Variants in CFAP299 observed in about 807,000 individuals in gnomAD.
CFAP299 encodes cilia and flagella associated protein 299.
CFAP299 carries 21 observed loss-of-function variants against 27.0 expected under a neutral mutation model. The ratio of observed to expected loss-of-function variants is 0.78; its 90% CI spans 0.55 to 1.12. The LOEUF (loss-of-function observed/expected upper bound fraction) is 1.12. Among genes scored for constraint, CFAP299 ranks in the 50% most tolerant of loss-of-function variants. The pLI, the probability that CFAP299 is intolerant of heterozygous loss-of-function variation, is 0.00. For synonymous variants in CFAP299, 104 were observed against 98.1 expected (o/e 1.06, Z -0.36); for missense variants, 310 against 276.6 (o/e 1.12, Z -0.86).
intron 2 of CFAP299, among the ~76,000 whole-genome samples, chr4:80,484,788 A>G (rs193123074): frequency 2.6e-3 from 393 of 152,314 alleles, no homozygotes; most frequent in South Asian, 0.017. Context: ...GCATCTACTA[A>G]CACAGCCACT....
intron 3 of CFAP299, among the ~76,000 whole-genome samples, chr4:80,792,089 G>A (rs1056735070): frequency 6.6e-6 from 1 of 151,882 alleles, no homozygotes; most frequent in Non-Finnish European, 1.5e-5. Context: ...TGTGTCTGTA[G>A]CTTGAAATTA....
At chr4:80,496,381 CT>C (rs1287405894) in intron 2 of CFAP299, among the ~76,000 whole-genome samples, 1 of 152,176 alleles carries the variant, frequency 6.6e-6, no homozygotes, top group African/African-American at 2.4e-5. Flanking sequence ...CCACAGATTC[CT>C]GGGGCATGAA....
rs1366341821 is a variant in CFAP299, at chr4:80,799,982, A to G, written c.334-70011A>G. Among the ~76,000 whole-genome samples, 89 of 57,576 alleles carry G rather than the reference A, an allele frequency of 1.5e-3. 1 individual carries two copies. Among genetic ancestry groups the G allele is most frequent in the African/African-American group, 6.3e-3 (87 of 13,880 alleles). The allele number at this position is 57,576 out of a possible 152,430, so 37.8% of individuals were successfully genotyped here. On this transcript the variant is annotated intron_variant, in intron 3 of 5. Coordinates refer to ENST00000358105, the MANE Select transcript of CFAP299 (RefSeq NM_152770.3). Reference sequence around the variant, plus strand: ...AAATATAATATTTATATAATATAATATATGTAATATATATTATGATATATA... The same window carrying G: ...AAATATAATATTTATATAATATAATGTATGTAATATATATTATGATATATA...
intron 3 of CFAP299, among the ~76,000 whole-genome samples, chr4:80,789,843 C>G (rs1727447904): frequency 6.6e-6 from 1 of 152,008 alleles, no homozygotes; most frequent in Admixed American, 6.6e-5. Flanking sequence ...TGTGCTCTTT[C>G]CTTAGGTTAG....
At chr4:80,371,405 C>G (rs1165162873) in intron 2 of CFAP299, among the ~76,000 whole-genome samples, 2 of 152,188 alleles carry the variant, frequency 1.3e-5, no homozygotes, top group African/African-American at 2.4e-5. Context: ...ATTTCTGCAG[C>G]CTGCTTGGAT....
intron 3 of CFAP299, among the ~76,000 whole-genome samples, chr4:80,774,533 A>C (rs2110086159): frequency 6.6e-6 from 1 of 152,080 alleles, no homozygotes; most frequent in Non-Finnish European, 1.5e-5. Flanking sequence ...ACCTTAAACA[A>C]TTCACAGAAG....
intron 4 of CFAP299, among the ~76,000 whole-genome samples, chr4:80,901,837 C>A (rs1465751489): frequency 6.6e-6 from 1 of 152,076 alleles, no homozygotes; most frequent in Non-Finnish European, 1.5e-5. Flanking sequence ...TAAATTAAAT[C>A]TCTTAAAGTT....
At chr4:80,698,955 G>T (rs975502684) in intron 3 of CFAP299, among the ~76,000 whole-genome samples, 1 of 152,154 alleles carries the variant, frequency 6.6e-6, no homozygotes, top group African/African-American at 2.4e-5. Context: ...AGATTTGGGT[G>T]TGGACACAGC....
chr4:80,880,469 C>T (rs554321953), intron 4 of CFAP299, among the ~76,000 whole-genome samples: 13 of 152,188 alleles, frequency 8.5e-5, no homozygotes, highest in Non-Finnish European at 1.2e-4. Context: ...TAGTGGCTCA[C>T]GCCTGTAATC....
chr4:80,944,135 G>A (rs1737348308), intron 4 of CFAP299, among the ~76,000 whole-genome samples: 1 of 151,760 alleles, frequency 6.6e-6, no homozygotes, highest in Non-Finnish European at 1.5e-5. Context: ...TTGAAAAATA[G>A]AAAGTGGCAT....
chr4:80,568,081 C>G (rs1735399538), intron 2 of CFAP299, among the ~76,000 whole-genome samples: 1 of 151,266 alleles, frequency 6.6e-6, no homozygotes, highest in African/African-American at 2.4e-5. Context: ...TTTTAAAAAA[C>G]AATAATAAAA....
intron 3 of CFAP299, among the ~76,000 whole-genome samples, chr4:80,778,625 C>T (rs1041102361): frequency 2.0e-5 from 3 of 152,058 alleles, no homozygotes; most frequent in South Asian, 2.1e-4. Flanking sequence ...CTATCCATAT[C>T]GCATGCAGTC....
At chr4:80,560,345 T>C (rs1291030459) in intron 2 of CFAP299, among the ~76,000 whole-genome samples, 1 of 151,906 alleles carries the variant, frequency 6.6e-6, no homozygotes, top group Non-Finnish European at 1.5e-5. Context: ...TTGGTGAGCC[T>C]CTAGACTTGC....
chr4:80,764,225 G>C (rs144324538), intron 3 of CFAP299, among the ~76,000 whole-genome samples: 8,117 of 152,062 alleles, frequency 0.053, 333 homozygotes, highest in East Asian at 0.22. Flanking sequence ...CTAATATCCA[G>C]AGTCTACAAG....
At chr4:80,721,606 G>A (rs2110046037) in intron 3 of CFAP299, among the ~76,000 whole-genome samples, 1 of 152,182 alleles carries the variant, frequency 6.6e-6, no homozygotes, top group East Asian at 1.9e-4. Context: ...CAAGGATTAG[G>A]ACTTCAACAT....
chr4:80,561,112 C>T (rs777054782), intron 2 of CFAP299, among the ~76,000 whole-genome samples: 29 of 152,236 alleles, frequency 1.9e-4, no homozygotes, highest in Middle Eastern at 3.4e-3. Flanking sequence ...TGGCTCAGAA[C>T]AGAGACAGAG....
intron 2 of CFAP299, among the ~76,000 whole-genome samples, chr4:80,421,238 A>T (rs1727272767): frequency 6.6e-6 from 1 of 152,054 alleles, no homozygotes; most frequent in African/African-American, 2.4e-5. Context: ...TTGCATTCTC[A>T]TTACTTTATG....
intron 4 of CFAP299, among the ~76,000 whole-genome samples, chr4:80,887,357 A>T (rs1390348837): frequency 6.6e-6 from 1 of 152,170 alleles, no homozygotes; most frequent in Non-Finnish European, 1.5e-5. Flanking sequence ...AACAACATAC[A>T]ATGGATCTGT....
intron 3 of CFAP299, among the ~76,000 whole-genome samples, chr4:80,800,611 T>TAATATATAATATATTAATATA (rs1728499234): frequency 1.0e-5 from 1 of 98,470 alleles, no homozygotes; most frequent in Non-Finnish European, 1.8e-5. Flanking sequence ...TATAAATATA[T>TAATATATAATATATTAATATA]AATATATAAT....
Sources: gnomAD v4.1 joint callset for allele counts (sites outside exome capture counted in the v4.1 genomes callset) on GRCh38, gnomAD v4.1.1 for gene constraint, MANE v1.5 for transcripts, NCBI Gene and HGNC (gene_info 2026-07-23, HGNC 2026-07-21) for gene names.